CNTLN: variants seen among roughly 807,000 people sequenced by gnomAD.
CNTLN encodes centlein.
In CNTLN, 212 loss-of-function variants were observed where a neutral mutation model predicts 180.0. That is an observed-to-expected ratio of 1.18 (90% confidence interval 1.05 to 1.32). CNTLN has a LOEUF of 1.32. CNTLN is among the 40% of genes most tolerant of loss of function. The probability of loss-of-function intolerance (pLI) is 0.00; values close to 1 mark genes in which losing one functional copy is unlikely to be tolerated. For synonymous variants in CNTLN, 722 were observed against 563.1 expected, an observed-to-expected ratio of 1.28 and a Z score of -3.99; for missense variants, 2,095 against 1,610.9, an observed-to-expected ratio of 1.30 and a Z score of -5.14.
intron 2 of CNTLN, among the ~76,000 whole-genome samples, chr9:17,185,579 T>C (rs142427228): frequency 0.011 from 1,672 of 152,280 alleles, 34 homozygotes; most frequent in African/African-American, 0.038. Flanking sequence ...TTAATATCTC[T>C]TGGTTTGTGA....
intron 2 of CNTLN, among the ~76,000 whole-genome samples, chr9:17,192,379 C>T (rs775999511): frequency 6.6e-6 from 1 of 151,906 alleles, no homozygotes; most frequent in African/African-American, 2.4e-5. Context: ...GCTGGGATTA[C>T]AGGCGCCTGC....
chr9:17,409,382 A>T lies in CNTLN; in HGVS notation c.2705A>T (p.Asp902Val), dbSNP rs1038429323. ...ATAAGTCCTACGGAAGATGGAAAAG[A>T]CCAGAAAGAAAGTGATCCAACAGAA... Reference protein sequence around the residue: ...QKISPTEDGKDQKESDPTEDS... With the variant: ...QKISPTEDGKVQKESDPTEDS... The change falls in exon 16 of 26, where the codon GAC (aspartate) becomes GTC (valine). Residue 902 changes from aspartate to valine, a missense_variant. By Grantham distance (152) the Asp-to-Val change is radical. Coordinates refer to ENST00000380647, the MANE Select transcript of CNTLN (RefSeq NM_017738.4). The T allele has an allele frequency of 7.4e-6, 12 of 1,613,352 alleles. No homozygotes were observed. The highest frequency in any genetic ancestry group is 6.7e-5 in the African/African-American group (5 of 74,920).
At chr9:17,436,321 CTT>C (rs1341304299) in intron 18 of CNTLN, among the ~76,000 whole-genome samples, 2 of 152,180 alleles carry the variant, frequency 1.3e-5, no homozygotes, top group Non-Finnish European at 2.9e-5. Flanking sequence ...GCTGCAGAAA[CTT>C]TTTCGGCAAT....
Position 17,226,280 on chromosome 9 carries a change from T to G in CNTLN, c.527T>G (p.Phe176Cys), listed in dbSNP as rs1294943612. ...LQVKDAKIQE[F>C]EQRESVLKQE... ...GTCAAGGATGCCAAAATACAAGAATTTGAACAGGTTGGTGTTATAATAAAA... is the reference window on the plus strand; with the variant it reads ...GTCAAGGATGCCAAAATACAAGAATGTGAACAGGTTGGTGTTATAATAAAA... The change falls in exon 3 of 26, where the codon TTT (phenylalanine) becomes TGT (cysteine). Residue 176 changes from phenylalanine (F) to cysteine (C), a missense_variant. Transcript: ENST00000380647. The G allele has an allele frequency of 1.3e-6, 2 of 1,549,976 alleles. No homozygotes were observed. The highest frequency in any genetic ancestry group is 1.8e-6 in the Non-Finnish European group (2 of 1,141,228).
intron 2 of CNTLN, among the ~76,000 whole-genome samples, chr9:17,163,025 C>G (rs1294784870): frequency 6.6e-6 from 1 of 152,154 alleles, no homozygotes; most frequent in Non-Finnish European, 1.5e-5. Flanking sequence ...TTCCACATGG[C>G]TTGGGAGACC....
intron 2 of CNTLN, among the ~76,000 whole-genome samples, chr9:17,173,272 A>G (rs193054163): frequency 1.5e-3 from 226 of 152,320 alleles, no homozygotes; most frequent in African/African-American, 5.3e-3. Context: ...CTGATAGATG[A>G]ATAGTAAACA....
intron 1 of CNTLN, among the ~76,000 whole-genome samples, chr9:17,139,497 C>G (rs1817940585): frequency 6.6e-6 from 1 of 151,862 alleles, no homozygotes; most frequent in Non-Finnish European, 1.5e-5. Flanking sequence ...CCAGTCTCTA[C>G]TAAAATACAA....
chr9:17,303,315 T>C (rs769037843), intron 7 of CNTLN, among the ~76,000 whole-genome samples: 5 of 152,192 alleles, frequency 3.3e-5, no homozygotes, highest in South Asian at 4.1e-4. Context: ...TTTCAACACT[T>C]AATAATTTCT....
chr9:17,409,000 C>G (rs1827630557), intron 15 of CNTLN, among the ~76,000 whole-genome samples: 1 of 152,054 alleles, frequency 6.6e-6, no homozygotes, highest in South Asian at 2.1e-4. Context: ...TGCTCCAACC[C>G]TGGAAGTGTT....
intron 6 of CNTLN, among the ~76,000 whole-genome samples, chr9:17,294,911 GGGGGGGAGT>G (rs1256629941): frequency 2.7e-5 from 3 of 112,878 alleles, no homozygotes; most frequent in African/African-American, 9.4e-5. Flanking sequence ...GGGGGAGGGC[GGGGGGGAGT>G]GGGGGGAGGG....
intron 15 of CNTLN, among the ~76,000 whole-genome samples, chr9:17,408,819 C>T (rs1271374886): frequency 6.6e-6 from 1 of 150,770 alleles, no homozygotes; most frequent in African/African-American, 2.4e-5. Flanking sequence ...AAAAAAGTGC[C>T]TGGGCCCATA....
intron 7 of CNTLN, among the ~76,000 whole-genome samples, chr9:17,308,638 A>C (rs1818910394): frequency 6.6e-6 from 1 of 151,484 alleles, no homozygotes; most frequent in Non-Finnish European, 1.5e-5. Flanking sequence ...CATTTCTTCT[A>C]TCTTTAGAAT....
chr9:17,439,698 A>G (rs1334097234), intron 18 of CNTLN, among the ~76,000 whole-genome samples: 1 of 152,250 alleles, frequency 6.6e-6, no homozygotes, highest in East Asian at 1.9e-4. Context: ...CCCATAATTC[A>G]TAACCCCCAA....
intron 6 of CNTLN, among the ~76,000 whole-genome samples, chr9:17,292,418 C>G (rs1389016700): frequency 6.6e-6 from 1 of 152,140 alleles, no homozygotes; most frequent in African/African-American, 2.4e-5. Flanking sequence ...GTTCTGTTCT[C>G]CCCATCTCTT....
chr9:17,507,535 T>C (rs1833954838), downstream of CNTLN, among the ~76,000 whole-genome samples: 1 of 152,196 alleles, frequency 6.6e-6, no homozygotes, highest in South Asian at 2.1e-4. Flanking sequence ...GGTCAAATAG[T>C]AATTCGGTTT....
intron 2 of CNTLN, among the ~76,000 whole-genome samples, chr9:17,178,218 A>T (rs1043589560): frequency 6.6e-6 from 1 of 152,190 alleles, no homozygotes; most frequent in East Asian, 1.9e-4. Flanking sequence ...TGAGCTAGAC[A>T]CAGGGTGCTG....
the CNTLN span, among the ~76,000 whole-genome samples, chr9:17,514,170 C>T: frequency 1.5e-4 from 22 of 145,576 alleles, no homozygotes; most frequent in East Asian, 2.6e-3. Flanking sequence ...AAAAACTGGG[C>T]GTAATGACAC....
rs1430279665 is a variant in CNTLN, at chr9:17,327,284, TC to T, written c.1342-3347del. Among the ~76,000 whole-genome samples the T allele has an allele frequency of 4.9e-5, 4 of 81,998 alleles. No homozygotes were observed. The East Asian group carries it at 1.5e-3, about 31-fold the overall frequency. The allele number at this position is 81,998 out of a possible 152,430, so 53.8% of individuals were successfully genotyped here. ...TGGAGGGCAGTGGCGCAATCTTGGGTCGCTGCAAACTCCGCCTCCCAGGTTC... is the reference window on the plus strand; with the variant it reads ...TGGAGGGCAGTGGCGCAATCTTGGGTGCTGCAAACTCCGCCTCCCAGGTTC... On this transcript the variant is annotated intron_variant, in intron 8 of 25. Transcript: ENST00000380647.
At chr9:17,154,773 C>T (rs1242601644) in intron 2 of CNTLN, among the ~76,000 whole-genome samples, 18 of 152,302 alleles carry the variant, frequency 1.2e-4, no homozygotes, top group African/African-American at 3.8e-4. Flanking sequence ...GACCAATCAG[C>T]GCTCTGTAAA....
Sources: allele counts gnomAD v4.1 joint callset (sites outside exome capture counted in the v4.1 genomes callset), GRCh38; gene constraint gnomAD v4.1.1; transcripts MANE v1.5; gene names NCBI Gene and HGNC (gene_info 2026-07-23, HGNC 2026-07-21).